KIRREL3: variants seen among roughly 807,000 people sequenced by gnomAD.
The protein encoded by KIRREL3 is kin of IRRE-like protein 3.
A neutral mutation model predicts 89.7 loss-of-function variants in KIRREL3; 36 were observed. The observed-to-expected ratio is 0.40, with a 90% CI of 0.31 to 0.53. The LOEUF is 0.53. Among genes scored for constraint, KIRREL3 ranks in the 20% least tolerant of loss-of-function variants. The pLI, the probability that KIRREL3 is intolerant of heterozygous loss-of-function variation, is 0.49. For missense variants in KIRREL3, 864 were observed against 1,056.6 expected, an observed-to-expected ratio of 0.82 and a Z score of 2.53; for synonymous variants, 445 against 441.4, an observed-to-expected ratio of 1.01 and a Z score of -0.10.
chr11:126,731,969 AAGAG>A (rs1433406337), intron 1 of KIRREL3, among the ~76,000 whole-genome samples: 1 of 152,206 alleles, frequency 6.6e-6, no homozygotes, highest in Non-Finnish European at 1.5e-5. Context: ...CCCAGCAGCA[AAGAG>A]AGAGAGAAGT....
rs376747561 is a variant in KIRREL3 at position 126,474,171 on chromosome 11, A to T, written c.434-705T>A. On this transcript the variant is annotated intron_variant, in intron 4 of 16. Transcript: ENST00000525144. The surrounding 1 kb of genome is among the most constrained non-coding windows in gnomAD (Gnocchi z 6.7). ...ACCATGTTGGCCAGGCTGGTCTCGA[A>T]CTCCTGACCTCAGGTAATCCACCCG... Among the ~76,000 whole-genome samples the T allele has an allele frequency of 6.5e-4, 98 of 151,898 alleles. 1 individual carries two copies. The highest frequency in any genetic ancestry group is 2.1e-3 in the African/African-American group (88 of 41,436).
In KIRREL3 at chr11:126,459,217, C is replaced by T. The variant is rs1956470304; in HGVS notation, c.743-2763G>A. On this transcript the variant is annotated intron_variant, in intron 6 of 16. Coordinates refer to ENST00000525144, the MANE Select transcript of KIRREL3 (RefSeq NM_032531.4). This position sits in a 1 kb window ranked among gnomAD's most constrained non-coding sequence, Gnocchi z 4.8. ...CGCCACAGAACTTGGGGGGCTGTTC[C>T]AGGAGGCCCTTCCCTCACCTGGGGG... Among the ~76,000 whole-genome samples the T allele has an allele frequency of 6.6e-6, 1 of 152,150 alleles. No homozygotes were observed. Among genetic ancestry groups the T allele is most frequent in the South Asian group, 2.1e-4 (1 of 4,822 alleles).
At chr11:126,456,211 G>C in intron 7 of KIRREL3, 138 bp downstream of exon 7, 1 of 623,974 alleles carries the variant, frequency 1.6e-6, no homozygotes, top group Non-Finnish European at 2.9e-6. Context: ...TAAGAGGAAG[G>C]GAAGAAGGCT....
intron 1 of KIRREL3, among the ~76,000 whole-genome samples, chr11:126,661,398 C>T (rs1417744575): frequency 1.3e-5 from 2 of 152,198 alleles, no homozygotes; most frequent in African/African-American, 4.8e-5. Context: ...TGTTCTGTCC[C>T]AAATAACGAC....
chr11:126,716,666 C>T (rs943415406), intron 1 of KIRREL3, among the ~76,000 whole-genome samples: 1 of 142,898 alleles, frequency 7.0e-6, no homozygotes, highest in African/African-American at 2.6e-5. Context: ...CTGGAAGAAA[C>T]AGCCAAATGC....
rs1957756439 is a variant in KIRREL3 at position 126,498,763 on chromosome 11, C to T, written c.433+22552G>A. On this transcript the variant is annotated intron_variant, in intron 4 of 16. Coordinates refer to ENST00000525144, the MANE Select transcript of KIRREL3 (RefSeq NM_032531.4). This position sits in a 1 kb window ranked among gnomAD's most constrained non-coding sequence, Gnocchi z 4.3. ...CCTGGGAGGAGCACCTTCCCTTCTG[C>T]ACCTAAGGTTGAGTCCCCCTCCCAC... 6.6e-6 allele frequency among the ~76,000 whole-genome samples: 1 copy of T among 152,220 alleles called. No individual in the cohort carries two copies. The highest frequency in any genetic ancestry group is 1.5e-5 in the Non-Finnish European group (1 of 68,046).
In KIRREL3 at chr11:126,879,914, C is replaced by T. The variant is rs1773476055; in HGVS notation, c.55+120541G>A. ...TCAGAACAGACCATTCCCCCACCACCCCGCCGCCATCTCAGTTATTCAAGA... is the reference window on the plus strand; with the variant it reads ...TCAGAACAGACCATTCCCCCACCACTCCGCCGCCATCTCAGTTATTCAAGA... On this transcript the variant is annotated intron_variant, in intron 1 of 16. Coordinates refer to ENST00000525144, the MANE Select transcript of KIRREL3 (RefSeq NM_032531.4). This position sits in a 1 kb window ranked among gnomAD's most constrained non-coding sequence, Gnocchi z 5.4. 6.6e-6 allele frequency among the ~76,000 whole-genome samples: 1 copy of T among 152,176 alleles called. No individual in the cohort carries two copies. Among genetic ancestry groups the T allele is most frequent in the Non-Finnish European group, 1.5e-5 (1 of 68,042 alleles).
intron 1 of KIRREL3, among the ~76,000 whole-genome samples, chr11:126,848,521 G>C (rs963199110): frequency 2.6e-5 from 4 of 152,142 alleles, no homozygotes; most frequent in Admixed American, 2.6e-4. Context: ...AGAGGTCTGA[G>C]TAATGTAAAA....
chr11:126,822,855 A>T (rs925062260), intron 1 of KIRREL3, among the ~76,000 whole-genome samples: 1 of 152,084 alleles, frequency 6.6e-6, no homozygotes, highest in Non-Finnish European at 1.5e-5. Flanking sequence ...GGCTTCTAGT[A>T]AGTTTCCAGA....
chr11:126,879,582 A>T lies in KIRREL3; in HGVS notation c.55+120873T>A, dbSNP rs1945418123. 6.6e-6 allele frequency among the ~76,000 whole-genome samples: 1 copy of T among 152,114 alleles called. No homozygotes were observed. Among genetic ancestry groups the T allele is most frequent in the Non-Finnish European group, 1.5e-5 (1 of 68,012 alleles). On this transcript the variant is annotated intron_variant, in intron 1 of 16. Coordinates refer to ENST00000525144, the MANE Select transcript of KIRREL3 (RefSeq NM_032531.4). This position sits in a 1 kb window ranked among gnomAD's most constrained non-coding sequence, Gnocchi z 5.4. ...AGTGAGTTTCTTACCTTCATTTTCAAGTCCAGGCTATAATCTCTTCCATTT... is the reference window on the plus strand; with the variant it reads ...AGTGAGTTTCTTACCTTCATTTTCATGTCCAGGCTATAATCTCTTCCATTT...
chr11:126,995,976 A>AGG lies in KIRREL3; in HGVS notation c.55+4477_55+4478dup, dbSNP rs1950169697. 6.6e-6 allele frequency among the ~76,000 whole-genome samples: 1 copy of AGG among 152,094 alleles called. No individual in the cohort carries two copies. On this transcript the variant is annotated intron_variant, in intron 1 of 16. Transcript: ENST00000525144. This position sits in a 1 kb window ranked among gnomAD's most constrained non-coding sequence, Gnocchi z 6.5. ...CCAAATCCTCCTCTGTACACCCAAG[A>AGG]GGGGGACCCCATGGTATCCTCTTAG... is the stretch of plus-strand genomic sequence containing the variant.
At position 126,428,898 on chromosome 11, in the gene KIRREL3, C is replaced by T. The variant is rs781551710; in HGVS notation, c.1806+281G>A. ...CTAATCTCAAGTGATCCGCCCAACT[C>T]GGTCTCCCAAAGTGTTGGGATTGCA... On this transcript the variant is annotated intron_variant, in intron 15 of 16. Coordinates refer to ENST00000525144, the MANE Select transcript of KIRREL3 (RefSeq NM_032531.4). The surrounding 1 kb of genome is among the most constrained non-coding windows in gnomAD (Gnocchi z 6.4). Among the ~76,000 whole-genome samples the T allele has an allele frequency of 2.6e-5, 4 of 152,178 alleles. No homozygotes were observed. Among genetic ancestry groups the T allele is most frequent in the Non-Finnish European group, 5.9e-5 (4 of 68,026 alleles).
At chr11:126,756,638 G>C (rs770768097) in intron 1 of KIRREL3, among the ~76,000 whole-genome samples, 1 of 152,240 alleles carries the variant, frequency 6.6e-6, no homozygotes, top group Non-Finnish European at 1.5e-5. Flanking sequence ...ACATGCAACA[G>C]GTTCCCCAAG....
intron 1 of KIRREL3, among the ~76,000 whole-genome samples, chr11:126,922,211 C>T (rs1480304539): frequency 6.6e-6 from 1 of 151,762 alleles, no homozygotes; most frequent in Non-Finnish European, 1.5e-5. Flanking sequence ...CCAGTGAGCC[C>T]TGGCTAACCC....
At chr11:126,820,039 A>T (rs1943152344) in intron 1 of KIRREL3, among the ~76,000 whole-genome samples, 1 of 152,196 alleles carries the variant, frequency 6.6e-6, no homozygotes, top group South Asian at 2.1e-4. Context: ...TCATTCTCTC[A>T]TTCATTCATG....
Position 126,431,594 on chromosome 11 carries a change from C to T in KIRREL3, c.1589-68G>A. 2 of 1,477,196 alleles carry T rather than the reference C, an allele frequency of 1.4e-6. No individual in the cohort carries two copies. Among genetic ancestry groups the T allele is most frequent in the South Asian group, 1.2e-5 (1 of 85,188 alleles). 91.5% of individuals were successfully genotyped at this position (1,477,196 alleles called of 1,614,324 possible). A position where few individuals can be genotyped will look rare whatever the true frequency, so the allele number is the denominator to read the frequency against. On this transcript the variant is annotated intron_variant, in intron 13 of 16. Coordinates refer to ENST00000525144, the MANE Select transcript of KIRREL3 (RefSeq NM_032531.4). The surrounding 1 kb of genome is among the most constrained non-coding windows in gnomAD (Gnocchi z 7.1). ...GGCCTACTATCCCCCCATGATCTCA[C>T]CCCGTTCCTGCGGGGGCAGCCCCTG...
chr11:126,922,129 A>ATCGATCTATCTATCTGTCTG (rs1947370618), intron 1 of KIRREL3, among the ~76,000 whole-genome samples: 1 of 96,154 alleles, frequency 1.0e-5, no homozygotes, highest in Non-Finnish European at 2.5e-5. Context: ...CTGTCTATCT[A>ATCGATCTATCTATCTGTCTG]TCTATCTATC....
chr11:126,476,962 G>C lies in KIRREL3; in HGVS notation c.434-3496C>G, dbSNP rs893404336. ...GGAAGGTGGAGGCGTTAGCCTTTTC[G>C]TGATTAATCCGGAGATAAAAATAGT... On this transcript the variant is annotated intron_variant, in intron 4 of 16. Transcript: ENST00000525144. The surrounding 1 kb of genome is among the most constrained non-coding windows in gnomAD (Gnocchi z 6.4). 1.3e-5 allele frequency among the ~76,000 whole-genome samples: 2 copies of C among 152,238 alleles called. No homozygotes were observed. The highest frequency in any genetic ancestry group is 4.8e-5 in the African/African-American group (2 of 41,460).
intron 1 of KIRREL3, among the ~76,000 whole-genome samples, chr11:126,675,805 T>C (rs1038240427): frequency 1.3e-5 from 2 of 152,170 alleles, no homozygotes; most frequent in Admixed American, 1.3e-4. Context: ...AGGGAAATGA[T>C]CACTTCAGCA....
Sources: allele counts gnomAD v4.1 joint callset (sites outside exome capture counted in the v4.1 genomes callset), GRCh38; gene constraint gnomAD v4.1.1; non-coding constraint Gnocchi (gnomAD v3.1); transcripts MANE v1.5; gene names NCBI Gene and HGNC (gene_info 2026-07-23, HGNC 2026-07-21).